Variants in HK1 observed in about 807,000 individuals in gnomAD.
HK1 encodes hexokinase 1, also known as hexokinase-1.
HK1 carries 28 observed loss-of-function variants against 91.6 expected under a neutral mutation model. The observed-to-expected ratio is 0.31, with a 90% confidence interval of 0.23 to 0.42. The LOEUF is 0.42. Ranked by LOEUF, HK1 falls within the 10% of genes least tolerant of loss-of-function variation. The pLI is 1.00. For synonymous variants in HK1, 430 were observed against 468.1 expected (o/e 0.92, Z 1.05); for missense variants, 770 against 1,219.8 (o/e 0.63, Z 5.49).
intron 2 of HK1, among the ~76,000 whole-genome samples, chr10:69,284,309 G>C (rs1220460212): frequency 6.6e-6 from 1 of 152,174 alleles, no homozygotes; most frequent in Non-Finnish European, 1.5e-5. Flanking sequence ...CTTATGAGGA[G>C]TTCTTGTGAA....
intron 7 of HK1, among the ~76,000 whole-genome samples, chr10:69,374,091 G>A (rs1445965056): frequency 6.6e-6 from 1 of 152,218 alleles, no homozygotes; most frequent in Non-Finnish European, 1.5e-5. Flanking sequence ...CCTGGATGGT[G>A]GTTGAGTAAC....
chr10:69,321,582 C>G (rs1359670604), intron 1 of HK1, among the ~76,000 whole-genome samples: 1 of 152,202 alleles, frequency 6.6e-6, no homozygotes, highest in East Asian at 1.9e-4. Context: ...CCCTCAGTAA[C>G]TCTCATCTAT....
chr10:69,300,784 T>C, exon 5 of HK1: 1 of 1,592,208 alleles, frequency 6.3e-7, no homozygotes, highest in Non-Finnish European at 8.6e-7. Flanking sequence ...TTGATGCTCT[T>C]GAGAGCATCA....
At chr10:69,389,103 G>A in intron 13 of HK1, 94 bp from the exon 14 acceptor site, 1 of 885,548 alleles carries the variant, frequency 1.1e-6, no homozygotes, top group East Asian at 2.6e-5. Context: ...GATGACCAGT[G>A]GCTCTCTGAC....
intron 4 of HK1, among the ~76,000 whole-genome samples, chr10:69,299,786 C>G (rs1177027063): frequency 6.6e-6 from 1 of 151,622 alleles, no homozygotes; most frequent in East Asian, 1.9e-4. Flanking sequence ...CTCAGCCTCC[C>G]AAGTAGCTGG....
intron 1 of HK1, among the ~76,000 whole-genome samples, chr10:69,275,373 A>G (rs1012995747): frequency 2.0e-5 from 3 of 149,650 alleles, no homozygotes; most frequent in South Asian, 4.2e-4. Context: ...TAAAAAATAC[A>G]TAAAAAATAA....
chr10:69,341,431 G>T (rs569221105), intron 1 of HK1, among the ~76,000 whole-genome samples: 9 of 151,914 alleles, frequency 5.9e-5, no homozygotes, highest in African/African-American at 2.2e-4. Context: ...AAAGTGTTGG[G>T]ATTACAGGTG....
At chr10:69,271,124 G>A (rs1844137115) in intron 1 of HK1, 1 of 152,156 alleles carries the variant, frequency 6.6e-6, no homozygotes, top group Non-Finnish European at 1.5e-5. Flanking sequence ...AGTAAGGAAA[G>A]AAAGATATAT....
chr10:69,362,827 G>A (rs575126812), intron 3 of HK1, among the ~76,000 whole-genome samples: 18 of 152,328 alleles, frequency 1.2e-4, no homozygotes, highest in South Asian at 8.3e-4. Flanking sequence ...AATGTAGGTC[G>A]CAGGAAGCTT....
At chr10:69,339,023 C>G (rs1413296848) in intron 1 of HK1, among the ~76,000 whole-genome samples, 2 of 152,188 alleles carry the variant, frequency 1.3e-5, no homozygotes, top group African/African-American at 4.8e-5. Context: ...CCATTCCCAG[C>G]CTCTTTCCCA....
chr10:69,357,225 A>G (rs1216121679), intron 2 of HK1, among the ~76,000 whole-genome samples: 1 of 152,236 alleles, frequency 6.6e-6, no homozygotes, highest in African/African-American at 2.4e-5. Flanking sequence ...TGTCCACACA[A>G]AAACTTGGGC....
chr10:69,308,794 G>A (rs565631695), intron 5 of HK1, among the ~76,000 whole-genome samples: 1 of 152,080 alleles, frequency 6.6e-6, no homozygotes, highest in Non-Finnish European at 1.5e-5. Flanking sequence ...CATAAAAAGT[G>A]CACAATCCAG....
intron 4 of HK1, chr10:69,296,474 C>T (rs999861758): frequency 2.6e-5 from 4 of 152,046 alleles, no homozygotes; most frequent in African/African-American, 4.8e-5. Flanking sequence ...AAATAAGACT[C>T]GGTCTCCAGC....
At chr10:69,374,958 G>A (rs1839011294) in intron 7 of HK1, among the ~76,000 whole-genome samples, 1 of 152,208 alleles carries the variant, frequency 6.6e-6, no homozygotes, top group Admixed American at 6.5e-5. Flanking sequence ...GATAGTGACA[G>A]CTAACATTGA....
At chr10:69,286,331 C>G (rs1354590602) in intron 2 of HK1, among the ~76,000 whole-genome samples, 2 of 151,986 alleles carry the variant, frequency 1.3e-5, no homozygotes, top group African/African-American at 4.8e-5. Flanking sequence ...GATCCCGTCT[C>G]TACAAAAAAT....
rs147260884 is a variant in HK1 at position 69,274,941 on chromosome 10, C to T, written c.-391+4833C>T. Among the ~76,000 whole-genome samples, 646 of 152,186 alleles carry T rather than the reference C, an allele frequency of 4.2e-3. 5 individuals carry two copies. The highest frequency in any genetic ancestry group is 0.013 in the African/African-American group (560 of 41,546). ...ACCCATGCCGAGACTCAACAAATGC[C>T]CTCATAGAGGAAAGCAGTCATGAAT... On this transcript the variant is annotated intron_variant, in intron 1 of 21. Coordinates refer to the HK1 transcript ENST00000360289.
At chr10:69,315,627 G>A (rs149242001), upstream of HK1, among the ~76,000 whole-genome samples, 10 of 152,366 alleles carry the variant, frequency 6.6e-5, no homozygotes, top group African/African-American at 2.4e-4. Context: ...AAGGAAATTA[G>A]TGAAGTCAGC....
At chr10:69,300,662 C>T (rs2002905) in intron 4 of HK1, 3 of 778,616 alleles carry the variant, frequency 3.9e-6, no homozygotes, top group Non-Finnish European at 6.8e-6. Flanking sequence ...TGTGATCATC[C>T]ATGATTTCAA....
At chr10:69,351,919 A>G (rs781548520) in intron 2 of HK1, among the ~76,000 whole-genome samples, 14 of 152,208 alleles carry the variant, frequency 9.2e-5, no homozygotes, top group Non-Finnish European at 1.6e-4. Flanking sequence ...ATGGTCAAAT[A>G]AAATGTTTCT....
Sources: allele counts gnomAD v4.1 joint callset (sites outside exome capture counted in the v4.1 genomes callset), GRCh38; gene constraint gnomAD v4.1.1; transcripts MANE v1.5; gene names NCBI Gene and HGNC (gene_info 2026-07-23, HGNC 2026-07-21).